FBXL2: variants seen among roughly 807,000 people sequenced by gnomAD.
The protein encoded by FBXL2 is F-box/LRR-repeat protein 2.
In FBXL2, 38 loss-of-function variants were observed where a neutral mutation model predicts 69.2. The observed-to-expected ratio is 0.55, with a 90% CI of 0.42 to 0.72. FBXL2 has a LOEUF of 0.72. Ranked by LOEUF, FBXL2 falls within the 30% of genes least tolerant of loss-of-function variation. The probability of loss-of-function intolerance (pLI) is 0.00; values close to 1 mark genes in which losing one functional copy is unlikely to be tolerated. For synonymous variants in FBXL2, 192 were observed against 201.3 expected, an observed-to-expected ratio of 0.95 and a Z score of 0.39; for missense variants, 354 against 520.3, an observed-to-expected ratio of 0.68 and a Z score of 3.11.
intron 1 of FBXL2, among the ~76,000 whole-genome samples, chr3:33,283,063 G>T (rs1575583099): frequency 1.3e-5 from 2 of 152,192 alleles, no homozygotes; most frequent in African/African-American, 4.8e-5. Context: ...TGATTGCCCT[G>T]GCCAGAACTT....
chr3:33,359,109 A>T, intron 3 of FBXL2, 88 bp downstream of exon 3: 3 of 960,604 alleles, frequency 3.1e-6, no homozygotes, highest in East Asian at 5.5e-5. Flanking sequence ...TTAAAATTTT[A>T]TTATCTTTTA....
At chr3:33,407,739 T>C (rs963048949), downstream of FBXL2, among the ~76,000 whole-genome samples, 4 of 152,192 alleles carry the variant, frequency 2.6e-5, no homozygotes, top group Admixed American at 2.0e-4. Context: ...ACCACAGCAA[T>C]TGCGATATGT....
Position 33,359,395 on chromosome 3 carries a change from A to T in FBXL2, c.195+38A>T, listed in dbSNP as rs1378859302. 4 of 1,440,912 alleles carry T rather than the reference A, an allele frequency of 2.8e-6. No homozygotes were observed. In the African/African-American group the frequency reaches 5.6e-5, roughly 20 times the overall value. The allele number at this position is 1,440,912 out of a possible 1,614,324, so 89.3% of individuals were successfully genotyped here. ...TGGTTTAGACAAAAAACTTTTTAAA[A>T]ATATGAGTAGCTGTTCCCCCTTTCC... On this transcript the variant is annotated intron_variant, in intron 4 of 14. Transcript: ENST00000484457.
At chr3:33,354,284 C>T (rs532583105) in intron 2 of FBXL2, among the ~76,000 whole-genome samples, 52 of 151,952 alleles carry the variant, frequency 3.4e-4, no homozygotes, top group Non-Finnish European at 6.3e-4. Context: ...GAGGCCGAGG[C>T]GGGTGGATCA....
intron 4 of FBXL2, among the ~76,000 whole-genome samples, chr3:33,360,361 C>A (rs1261461214): frequency 6.6e-6 from 1 of 152,130 alleles, no homozygotes; most frequent in Non-Finnish European, 1.5e-5. Context: ...ACCTCCTTCT[C>A]TAGGTTACTT....
At chr3:33,328,839 C>T (rs2038930117) in intron 2 of FBXL2, among the ~76,000 whole-genome samples, 1 of 147,430 alleles carries the variant, frequency 6.8e-6, no homozygotes, top group Non-Finnish European at 1.5e-5. Context: ...GTGTGTAAGA[C>T]CTCAAAAATC....
In FBXL2 at chr3:33,277,716, CG is replaced by C. The variant is rs1237791307; in HGVS notation, c.3+207del. ...TGGGGGATTCAGAGCGCCCGCCTGC[CG>C]GGGGGCGACCGCGATGCAGCGTTCC... On this transcript the variant is annotated intron_variant, in intron 1 of 14. Coordinates refer to ENST00000484457, the MANE Select transcript of FBXL2 (RefSeq NM_012157.5). Among the ~76,000 whole-genome samples the C allele has an allele frequency of 6.6e-5, 10 of 152,018 alleles. No homozygotes were observed. In the East Asian group the frequency reaches 1.8e-3, roughly 27 times the overall value.
intron 13 of FBXL2, among the ~76,000 whole-genome samples, chr3:33,380,650 G>C (rs921851736): frequency 2.0e-5 from 3 of 151,534 alleles, no homozygotes; most frequent in African/African-American, 7.3e-5. Context: ...GCCAGTTTCT[G>C]TCCTTTTTGA....
downstream of FBXL2, chr3:33,390,185 A>C: frequency 1.3e-6 from 1 of 768,454 alleles, no homozygotes; most frequent in Non-Finnish European, 2.1e-6. Context: ...CACCTCTCAT[A>C]CAGCTCATTA....
intron 2 of FBXL2, among the ~76,000 whole-genome samples, chr3:33,301,673 T>C (rs1318503958): frequency 1.3e-5 from 2 of 152,214 alleles, no homozygotes; most frequent in Non-Finnish European, 2.9e-5. Flanking sequence ...TTAAGGCTAC[T>C]GAAGTTTTTT....
chr3:33,360,684 A>G (rs768286975), intron 4 of FBXL2, among the ~76,000 whole-genome samples: 4 of 152,156 alleles, frequency 2.6e-5, no homozygotes, highest in Non-Finnish European at 5.9e-5. Context: ...GCCAGTGAAT[A>G]TAATTGCCCT....
chr3:33,362,994 A>G (rs765453618), intron 4 of FBXL2, among the ~76,000 whole-genome samples: 1 of 152,154 alleles, frequency 6.6e-6, no homozygotes, highest in Non-Finnish European at 1.5e-5. Flanking sequence ...GATTTTCAAC[A>G]TAATTAAGAT....
chr3:33,404,273 G>C (rs1374917612), downstream of FBXL2, among the ~76,000 whole-genome samples: 1 of 152,046 alleles, frequency 6.6e-6, no homozygotes, highest in Non-Finnish European at 1.5e-5. Context: ...TTAGCTGGGC[G>C]TAGTGGCGTG....
In FBXL2 at chr3:33,401,396, C is replaced by CA. The variant is rs894530381; in HGVS notation, n.1215-1830dup. Among the ~76,000 whole-genome samples, 43 of 151,308 alleles carry CA rather than the reference C, an allele frequency of 2.8e-4. No homozygotes were observed. The South Asian group carries it at 7.5e-3, about 26-fold the overall frequency. ...TTAGATAAATAGTTGAAAATAATTG[C>CA]AAAAAAAATGAGCTACAAGAAATAG... On this transcript the variant is annotated intron_variant and non_coding_transcript_variant, in intron 12 of 12. Coordinates refer to the FBXL2 transcript ENST00000463736.
intron 2 of FBXL2, among the ~76,000 whole-genome samples, chr3:33,333,883 G>A (rs970525437): frequency 6.6e-6 from 1 of 152,028 alleles, no homozygotes; most frequent in Non-Finnish European, 1.5e-5. Flanking sequence ...AAAAAGTATC[G>A]AAACTGCAGC....
At chr3:33,397,014 AT>A (rs1246901508) in intron 12 of FBXL2, 1 of 1,573,034 alleles carries the variant, frequency 6.4e-7, no homozygotes, top group African/African-American at 1.4e-5. Context: ...GTACATTCTT[AT>A]TTCAAGCAAA....
At chr3:33,382,342 G>A (rs976612745) in intron 13 of FBXL2, among the ~76,000 whole-genome samples, 3 of 152,108 alleles carry the variant, frequency 2.0e-5, no homozygotes, top group Non-Finnish European at 2.9e-5. Context: ...AATACACCCC[G>A]ATCAAAGGTC....
the FBXL2 span, among the ~76,000 whole-genome samples, chr3:33,417,973 A>G: frequency 6.6e-6 from 1 of 152,228 alleles, no homozygotes; most frequent in Admixed American, 6.5e-5. Context: ...AAAGTTGCTT[A>G]CATTCATTCA....
At chr3:33,292,361 A>G (rs2035314572) in intron 1 of FBXL2, among the ~76,000 whole-genome samples, 1 of 152,198 alleles carries the variant, frequency 6.6e-6, no homozygotes, top group Non-Finnish European at 1.5e-5. Context: ...CCTGGGTGAC[A>G]GAGCAATCCT....
Sources: gnomAD v4.1 joint callset for allele counts (sites outside exome capture counted in the v4.1 genomes callset) on GRCh38, gnomAD v4.1.1 for gene constraint, MANE v1.5 for transcripts, NCBI Gene and HGNC (gene_info 2026-07-23, HGNC 2026-07-21) for gene names.